Variants in PCSK2 observed in about 807,000 individuals in gnomAD.
PCSK2 encodes neuroendocrine convertase 2.
In PCSK2, 14 loss-of-function variants were observed where a neutral mutation model predicts 69.7. The observed-to-expected ratio is 0.20, with a 90% CI of 0.13 to 0.31. The LOEUF (loss-of-function observed/expected upper bound fraction) is 0.31, where lower values mean the gene tolerates loss of function less well. PCSK2 is among the 10% of genes least tolerant of loss of function. PCSK2 has a pLI of 1.00. For missense variants in PCSK2, 544 were observed against 842.5 expected (o/e 0.65, Z 4.39); for synonymous variants, 307 against 320.7 (o/e 0.96, Z 0.46).
intron 5 of PCSK2, among the ~76,000 whole-genome samples, chr20:17,407,941 T>C (rs2031789462): frequency 6.6e-6 from 1 of 152,204 alleles, no homozygotes; most frequent in African/African-American, 2.4e-5. Flanking sequence ...ACTCTGATTA[T>C]TACAACTACT....
chr20:17,233,407 G>T (rs1986216067), intron 1 of PCSK2, among the ~76,000 whole-genome samples: 1 of 152,174 alleles, frequency 6.6e-6, no homozygotes, highest in African/African-American at 2.4e-5. Flanking sequence ...GTAGCTGTGG[G>T]TTATACTTGT....
chr20:17,457,865 A>G (rs564723966), intron 10 of PCSK2, among the ~76,000 whole-genome samples: 3 of 152,334 alleles, frequency 2.0e-5, no homozygotes, highest in East Asian at 3.9e-4. Context: ...GACTTGACTC[A>G]CAGTCTTCTG....
At chr20:17,253,212 T>G (rs148713545) in intron 1 of PCSK2, among the ~76,000 whole-genome samples, 8 of 152,344 alleles carry the variant, frequency 5.3e-5, no homozygotes, top group African/African-American at 1.9e-4. Context: ...GATTAAGATA[T>G]AGTTCACATG....
At chr20:17,444,267 A>G (rs1261493794) in intron 8 of PCSK2, among the ~76,000 whole-genome samples, 1 of 152,236 alleles carries the variant, frequency 6.6e-6, no homozygotes, top group Non-Finnish European at 1.5e-5. Context: ...TAAAAGGAAG[A>G]GAACAAAGAG....
At chr20:17,471,680 C>A (rs116733943) in intron 11 of PCSK2, among the ~76,000 whole-genome samples, 2 of 152,230 alleles carry the variant, frequency 1.3e-5, no homozygotes, top group African/African-American at 2.4e-5. Flanking sequence ...CCCTCGTCCA[C>A]CCCCACACCA....
intron 1 of PCSK2, among the ~76,000 whole-genome samples, chr20:17,236,803 G>A (rs1986357472): frequency 6.6e-6 from 1 of 152,152 alleles, no homozygotes; most frequent in South Asian, 2.1e-4. Flanking sequence ...GGGAAGTCCT[G>A]TTTTTAGGTC....
intron 6 of PCSK2, among the ~76,000 whole-genome samples, chr20:17,428,399 A>G (rs1382264043): frequency 7.1e-6 from 1 of 140,088 alleles, no homozygotes; most frequent in Non-Finnish European, 1.6e-5. Context: ...TCATACAGAG[A>G]AAGAAAATGT....
intron 5 of PCSK2, among the ~76,000 whole-genome samples, chr20:17,381,445 C>T (rs2031084763): frequency 6.6e-6 from 1 of 152,066 alleles, no homozygotes; most frequent in Admixed American, 6.6e-5. Context: ...TCAAGCATTG[C>T]CAATTTTTTA....
chr20:17,331,880 A>G (rs907146202), intron 2 of PCSK2, among the ~76,000 whole-genome samples: 2 of 152,094 alleles, frequency 1.3e-5, no homozygotes, highest in African/African-American at 4.8e-5. Flanking sequence ...GTAGGCTAGG[A>G]CCCTGGTCTT....
chr20:17,367,304 A>T (rs2030622077), intron 4 of PCSK2, among the ~76,000 whole-genome samples: 1 of 152,208 alleles, frequency 6.6e-6, no homozygotes, highest in African/African-American at 2.4e-5. Flanking sequence ...AGATGTTAGG[A>T]CTAATGATGA....
At chr20:17,436,128 A>G (rs954881509) in intron 7 of PCSK2, among the ~76,000 whole-genome samples, 2 of 152,150 alleles carry the variant, frequency 1.3e-5, no homozygotes, top group Non-Finnish European at 2.9e-5. Flanking sequence ...AATTACTAAT[A>G]CAGTTTAGAA....
chr20:17,409,484 T>C (rs970604149), intron 6 of PCSK2, 145 bp downstream of exon 6: 37 of 615,814 alleles, frequency 6.0e-5, no homozygotes, highest in Non-Finnish European at 9.9e-5. Context: ...AGTGGTTACA[T>C]TCTCTAAAGT....
At chr20:17,429,321 C>G in intron 6 of PCSK2, 114 bp from the exon 7 acceptor site, 1 of 765,560 alleles carries the variant, frequency 1.3e-6, no homozygotes, top group Non-Finnish European at 2.3e-6. Context: ...ACAGGGTTTA[C>G]TTGTATATGA....
intron 2 of PCSK2, among the ~76,000 whole-genome samples, chr20:17,343,842 G>A (rs1398453826): frequency 6.6e-6 from 1 of 152,146 alleles, no homozygotes; most frequent in Admixed American, 6.5e-5. Flanking sequence ...GCTGGAAAAG[G>A]CAAAAAAAGA....
chr20:17,398,098 A>G (rs1040661367), intron 5 of PCSK2, among the ~76,000 whole-genome samples: 4 of 152,232 alleles, frequency 2.6e-5, no homozygotes, highest in Non-Finnish European at 4.4e-5. Context: ...ATCAAAATCA[A>G]TTTCTTCCTG....
chr20:17,291,150 A>T (rs970877480), intron 2 of PCSK2, among the ~76,000 whole-genome samples: 1 of 150,372 alleles, frequency 6.7e-6, no homozygotes, highest in African/African-American at 2.4e-5. Flanking sequence ...TAAAAAAAAA[A>T]ACTCCTTCCC....
chr20:17,260,712 T>C (rs1027985086), intron 2 of PCSK2, among the ~76,000 whole-genome samples: 1 of 152,122 alleles, frequency 6.6e-6, no homozygotes, highest in Non-Finnish European at 1.5e-5. Context: ...TTTCTACTGG[T>C]GAATCCACAT....
chr20:17,389,870 T>C (rs533066074), intron 5 of PCSK2, among the ~76,000 whole-genome samples: 5 of 152,196 alleles, frequency 3.3e-5, no homozygotes, highest in Non-Finnish European at 7.3e-5. Context: ...TTTCTTGTAA[T>C]GTTAAACACA....
intron 2 of PCSK2, 117 bp downstream of exon 2, chr20:17,260,461 A>G: frequency 1.4e-6 from 1 of 689,746 alleles, no homozygotes; most frequent in Admixed American, 2.3e-5. Context: ...GTACTATGAT[A>G]GGGCAAATGA....
Sources: allele counts gnomAD v4.1 joint callset (sites outside exome capture counted in the v4.1 genomes callset), GRCh38; gene constraint gnomAD v4.1.1; transcripts MANE v1.5; gene names NCBI Gene and HGNC (gene_info 2026-07-23, HGNC 2026-07-21).